The following CADPS variants were observed in gnomAD, a reference collection of about 807,000 sequenced individuals.
CADPS encodes calcium dependent secretion activator.
Under a neutral mutation model 167.3 loss-of-function variants are expected in CADPS, and 57 were observed. That is an observed-to-expected ratio of 0.34 (90% CI 0.28 to 0.42). The LOEUF (loss-of-function observed/expected upper bound fraction) is 0.42, where lower values mean the gene tolerates loss of function less well. CADPS is among the 20% of genes least tolerant of loss of function. CADPS has a pLI of 1.00. For synonymous variants in CADPS, 676 were observed against 635.3 expected, an observed-to-expected ratio of 1.06 and a Z score of -0.96; for missense variants, 1,414 against 1,738.1, an observed-to-expected ratio of 0.81 and a Z score of 3.32.
chr3:62,511,031 C>T lies in CADPS; in HGVS notation c.2599+1720G>A, dbSNP rs59795871. Among the ~76,000 whole-genome samples, 913 of 152,232 alleles carry T rather than the reference C, an allele frequency of 6.0e-3. 12 individuals carry two copies. Among genetic ancestry groups the T allele is most frequent in the African/African-American group, 0.02 (837 of 41,556 alleles). ...AGTCCTTTCTCTTAATTCCTGCTAGCGTGATTTTTCTGCAGTGTAAACCGC... is the reference window on the plus strand; with the variant it reads ...AGTCCTTTCTCTTAATTCCTGCTAGTGTGATTTTTCTGCAGTGTAAACCGC... On this transcript the variant is annotated intron_variant, in intron 17 of 29. Coordinates refer to ENST00000383710, the MANE Select transcript of CADPS (RefSeq NM_003716.4).
chr3:62,600,727 T>C (rs985781911), intron 6 of CADPS, among the ~76,000 whole-genome samples: 1 of 152,228 alleles, frequency 6.6e-6, no homozygotes, highest in African/African-American at 2.4e-5. Context: ...TTACATTATT[T>C]TGGGGGAGAT....
At chr3:62,563,629 T>C (rs1464901315) in intron 9 of CADPS, among the ~76,000 whole-genome samples, 1 of 152,200 alleles carries the variant, frequency 6.6e-6, no homozygotes, top group Non-Finnish European at 1.5e-5. Flanking sequence ...GAGATTTTGG[T>C]GAACCCATCT....
chr3:62,621,193 G>A (rs376006183), intron 6 of CADPS, among the ~76,000 whole-genome samples: 2 of 152,192 alleles, frequency 1.3e-5, no homozygotes, highest in Non-Finnish European at 2.9e-5. Context: ...TTTGATTGCT[G>A]TATTCTTGGA....
chr3:62,779,467 G>T, intron 1 of CADPS: 1 of 535,546 alleles, frequency 1.9e-6, no homozygotes, highest in South Asian at 1.4e-5. Flanking sequence ...ACTTTAAAAT[G>T]ATCAAAATCT....
chr3:62,817,074 T>C (rs2094652075), intron 1 of CADPS, among the ~76,000 whole-genome samples: 1 of 152,156 alleles, frequency 6.6e-6, no homozygotes, highest in Non-Finnish European at 1.5e-5. Flanking sequence ...AGAGGTTACC[T>C]GGAGTCTCTA....
In CADPS at chr3:62,875,046, C is replaced by G; in HGVS notation, c.-17G>C. ...GTCCAGCATAGTGGCGCCTGGGGAGCGGGGTCTCTGGAGCCCCCGGCTTGG... is the reference window on the plus strand; with the variant it reads ...GTCCAGCATAGTGGCGCCTGGGGAGGGGGGTCTCTGGAGCCCCCGGCTTGG... On this transcript the variant is annotated 5_prime_UTR_variant, in exon 1 of 30. Transcript: ENST00000383710. The G allele has an allele frequency of 6.4e-7, 1 of 1,573,772 alleles. No homozygotes were observed. Among genetic ancestry groups the G allele is most frequent in the African/African-American group, 1.4e-5 (1 of 71,614 alleles).
chr3:62,628,902 G>T (rs2064696536), intron 6 of CADPS, among the ~76,000 whole-genome samples: 1 of 151,968 alleles, frequency 6.6e-6, no homozygotes, highest in South Asian at 2.1e-4. Flanking sequence ...TGGGATTACA[G>T]TCATGAACCA....
chr3:62,784,273 C>T (rs1461109618), intron 1 of CADPS, among the ~76,000 whole-genome samples: 1 of 152,174 alleles, frequency 6.6e-6, no homozygotes, highest in Non-Finnish European at 1.5e-5. Context: ...TATAAATGAT[C>T]ACCTTCCAAG....
chr3:62,645,549 T>C (rs2068357474), intron 6 of CADPS, among the ~76,000 whole-genome samples, 173 bp downstream of exon 6: 1 of 152,234 alleles, frequency 6.6e-6, no homozygotes, highest in Non-Finnish European at 1.5e-5. Context: ...AACTAGAATC[T>C]TTGCTGTGGC....
At chr3:62,549,826 C>T (rs2077044163) in intron 11 of CADPS, 77 bp downstream of exon 11, 2 of 1,127,620 alleles carry the variant, frequency 1.8e-6, no homozygotes, top group African/African-American at 1.6e-5. Context: ...ATAAAAGCAA[C>T]TAGGTTTTCT....
intron 27 of CADPS, 48 bp downstream of exon 27, chr3:62,445,717 A>AG (rs1390721098): frequency 7.3e-7 from 1 of 1,361,066 alleles, no homozygotes; most frequent in East Asian, 2.5e-5. Flanking sequence ...AAAATGAAAA[A>AG]AAAAAAAAAC....
chr3:62,442,728 T>C (rs553124015), intron 27 of CADPS, among the ~76,000 whole-genome samples: 1 of 152,258 alleles, frequency 6.6e-6, no homozygotes, highest in Non-Finnish European at 1.5e-5. Flanking sequence ...GTGCAGGCTT[T>C]ATGGTCCAAC....
chr3:62,733,935 A>G (rs1384312108), intron 3 of CADPS, among the ~76,000 whole-genome samples: 1 of 152,208 alleles, frequency 6.6e-6, no homozygotes, highest in Admixed American at 6.5e-5. Flanking sequence ...AAGTGAAAAC[A>G]TGTAATAGTT....
At chr3:62,450,612 G>A (rs575728516) in intron 26 of CADPS, among the ~76,000 whole-genome samples, 6 of 152,248 alleles carry the variant, frequency 3.9e-5, no homozygotes, top group Admixed American at 6.5e-5. Flanking sequence ...TCTTGTCCCC[G>A]ACTCTCCAGA....
intron 11 of CADPS, among the ~76,000 whole-genome samples, chr3:62,542,864 A>T (rs1046365211): frequency 3.3e-5 from 5 of 152,194 alleles, no homozygotes; most frequent in African/African-American, 1.2e-4. Context: ...CTCAAGCAAA[A>T]TAAATAAATG....
chr3:62,407,141 T>A (rs1177687745), intron 28 of CADPS, among the ~76,000 whole-genome samples: 1 of 151,834 alleles, frequency 6.6e-6, no homozygotes, highest in African/African-American at 2.4e-5. Flanking sequence ...ATCAACATCA[T>A]CATCATCATC....
chr3:62,570,731 G>C (rs2081134875), intron 9 of CADPS, 141 bp downstream of exon 9: 1 of 685,784 alleles, frequency 1.5e-6, no homozygotes, highest in Non-Finnish European at 2.6e-6. Flanking sequence ...TCTGAATGGT[G>C]GTTACATGGA....
intron 28 of CADPS, among the ~76,000 whole-genome samples, chr3:62,427,449 A>G (rs2052982233): frequency 6.6e-6 from 1 of 152,148 alleles, no homozygotes; most frequent in Non-Finnish European, 1.5e-5. Flanking sequence ...CATCTAGAGC[A>G]TGGTTTTTCA....
chr3:62,711,183 T>A (rs1466354012), intron 3 of CADPS, among the ~76,000 whole-genome samples: 1 of 152,194 alleles, frequency 6.6e-6, no homozygotes, highest in Non-Finnish European at 1.5e-5. Context: ...GATATACATA[T>A]ATCAGAATAA....
Sources: allele counts gnomAD v4.1 joint callset (sites outside exome capture counted in the v4.1 genomes callset), GRCh38; gene constraint gnomAD v4.1.1; transcripts MANE v1.5; gene names NCBI Gene and HGNC (gene_info 2026-07-23, HGNC 2026-07-21).